CALCRL: variants seen among roughly 807,000 people sequenced by gnomAD.
CALCRL encodes the protein calcitonin gene-related peptide type 1 receptor.
In CALCRL, 27 loss-of-function variants were observed where a neutral mutation model predicts 60.4. That is an observed-to-expected ratio of 0.45 (90% CI 0.33 to 0.62). The LOEUF is 0.62. CALCRL is among the 20% of genes least tolerant of loss of function. The pLI, the probability that CALCRL is intolerant of heterozygous loss-of-function variation, is 0.03. For missense variants in CALCRL, 424 were observed against 540.7 expected (o/e 0.78, Z 2.14); for synonymous variants, 190 against 182.6 (o/e 1.04, Z -0.33).
intron 8 of CALCRL, 34 bp downstream of exon 8, chr2:187,378,906 A>G (rs3771084): frequency 0.57 from 717,718 of 1,253,112 alleles, 209,728 homozygotes; most frequent in East Asian, 0.81. Flanking sequence ...CAAGACATCT[A>G]GTAATTTTCT....
chr2:187,403,644 A>G (rs1251123601), intron 1 of CALCRL, among the ~76,000 whole-genome samples: 1 of 151,892 alleles, frequency 6.6e-6, no homozygotes, highest in Non-Finnish European at 1.5e-5. Flanking sequence ...TAAAAGTACA[A>G]AGGCATGGGT....
rs149891090 is a variant in CALCRL, at chr2:187,396,371, T to C, written c.-292-8615A>G. ...AGCCCCCTTTCCAGATGTCTCAGAA[T>C]GGAATCTGGTAAGTTCATGTACCCT... is the stretch of plus-strand genomic sequence containing the variant. On this transcript the variant is annotated intron_variant, in intron 1 of 14. Transcript: ENST00000392370. Among the ~76,000 whole-genome samples the C allele has an allele frequency of 7.9e-4, 120 of 151,950 alleles. 1 individual carries two copies. Among genetic ancestry groups the C allele is most frequent in the Non-Finnish European group, 3.8e-4 (26 of 67,836 alleles).
At position 187,359,290 on chromosome 2, in the gene CALCRL, A is replaced by C; in HGVS notation, c.782-18T>G. 1 of 1,488,204 alleles carries C rather than the reference A, an allele frequency of 6.7e-7. No homozygotes were observed. The highest frequency in any genetic ancestry group is 9.0e-7 in the Non-Finnish European group (1 of 1,115,026). 92.2% of individuals were successfully genotyped at this position (1,488,204 alleles called of 1,614,324 possible). A position where few individuals can be genotyped will look rare whatever the true frequency, so the allele number is the denominator to read the frequency against. ...TGGAAATCCTGTAATAACAAAAAAA[A>C]AAGAAAATAAATAGGCATTTTTTCT... On this transcript the variant is annotated intron_variant, in intron 10 of 14. Coordinates refer to ENST00000392370, the MANE Select transcript of CALCRL (RefSeq NM_005795.6).
chr2:187,402,545 G>A (rs1574280333), intron 1 of CALCRL, among the ~76,000 whole-genome samples: 1 of 151,090 alleles, frequency 6.6e-6, no homozygotes, highest in South Asian at 2.1e-4. Flanking sequence ...GAGAGATGAG[G>A]CTTTCCAGTA....
At chr2:187,404,504 A>ATTT (rs954080668) in intron 1 of CALCRL, among the ~76,000 whole-genome samples, 2 of 145,346 alleles carry the variant, frequency 1.4e-5, no homozygotes, top group African/African-American at 5.0e-5. Context: ...ACTTTTATTT[A>ATTT]TTTTTTTTTT....
intron 1 of CALCRL, among the ~76,000 whole-genome samples, chr2:187,434,184 G>A (rs1166431609): frequency 6.6e-6 from 1 of 152,034 alleles, no homozygotes; most frequent in Non-Finnish European, 1.5e-5. Context: ...CATGAGAAAT[G>A]TTATTCATAC....
chr2:187,360,794 T>G (rs201852194), intron 9 of CALCRL, 43 bp from the exon 10 acceptor site: 1 of 1,563,692 alleles, frequency 6.4e-7, no homozygotes, highest in Admixed American at 1.9e-5. Flanking sequence ...TGTTTATGAA[T>G]TCACATGTAA....
At chr2:187,398,092 A>C (rs897688329) in intron 1 of CALCRL, among the ~76,000 whole-genome samples, 2 of 151,586 alleles carry the variant, frequency 1.3e-5, no homozygotes, top group Non-Finnish European at 3.0e-5. Context: ...CAAGCGGCCA[A>C]ATCTCAGCCC....
chr2:187,388,475 C>T (rs1329440907), intron 1 of CALCRL, among the ~76,000 whole-genome samples: 2 of 151,994 alleles, frequency 1.3e-5, no homozygotes, highest in Non-Finnish European at 2.9e-5. Context: ...ATGCACATTT[C>T]ACCTGGAAAT....
chr2:187,406,499 G>C (rs1046591203), intron 1 of CALCRL, among the ~76,000 whole-genome samples: 10 of 151,866 alleles, frequency 6.6e-5, no homozygotes, highest in Non-Finnish European at 1.5e-5. Flanking sequence ...CAGTTGCTAA[G>C]AAAAAGGGAA....
At chr2:187,371,934 T>C (rs1401814050) in intron 8 of CALCRL, among the ~76,000 whole-genome samples, 2 of 152,116 alleles carry the variant, frequency 1.3e-5, no homozygotes, top group Non-Finnish European at 2.9e-5. Flanking sequence ...GAAGCAGAAA[T>C]ACAAGCACTA....
intron 1 of CALCRL, among the ~76,000 whole-genome samples, chr2:187,417,944 C>G (rs1346685831): frequency 2.0e-5 from 3 of 152,132 alleles, no homozygotes; most frequent in African/African-American, 7.2e-5. Flanking sequence ...TACAAAGTGT[C>G]AAGTGTTTAC....
At chr2:187,384,072 A>C (rs186387203) in intron 4 of CALCRL, among the ~76,000 whole-genome samples, 9 of 152,124 alleles carry the variant, frequency 5.9e-5, no homozygotes, top group Admixed American at 2.6e-4. Flanking sequence ...TTATCTTCCT[A>C]TCCTTCCTTT....
In CALCRL at chr2:187,418,203, A is replaced by G. The variant is rs564749117; in HGVS notation, c.-293+29836T>C. 2.0e-5 allele frequency among the ~76,000 whole-genome samples: 3 copies of G among 152,204 alleles called. No individual in the cohort carries two copies. In the South Asian group the frequency reaches 6.2e-4, roughly 31 times the overall value. ...CCATGCTAATCCTGGAATTCTGGTC[A>G]TTAAAAGAAAAAAAATTGTGTATAT... On this transcript the variant is annotated intron_variant, in intron 1 of 14. Transcript: ENST00000392370.
At position 187,364,420 on chromosome 2, in the gene CALCRL, T is replaced by G. The variant is rs760717019; in HGVS notation, c.501-918A>C. 1.4e-4 allele frequency among the ~76,000 whole-genome samples: 21 copies of G among 152,064 alleles called. 1 individual carries two copies. Among genetic ancestry groups the G allele is most frequent in the Admixed American group, 2.6e-4 (4 of 15,264 alleles). ...GTGTGAACTCATATGAAGGAAGACC[T>G]GAGGAATTATTTCACTACAGAGGCA... On this transcript the variant is annotated intron_variant, in intron 8 of 14. Coordinates refer to ENST00000392370, the MANE Select transcript of CALCRL (RefSeq NM_005795.6).
intron 14 of CALCRL, 102 bp from the exon 15 acceptor site, chr2:187,346,501 T>G: frequency 1.3e-6 from 1 of 767,848 alleles, no homozygotes. Flanking sequence ...AGAAGAGCTT[T>G]TTTAAAAAAA....
chr2:187,354,330 T>G (rs1686673777), intron 12 of CALCRL, among the ~76,000 whole-genome samples: 1 of 151,862 alleles, frequency 6.6e-6, no homozygotes, highest in East Asian at 1.9e-4. Context: ...TCCCAGACAA[T>G]CACTTAACTA....
chr2:187,402,106 A>G (rs1688914297), intron 1 of CALCRL, among the ~76,000 whole-genome samples: 1 of 151,734 alleles, frequency 6.6e-6, no homozygotes, highest in Non-Finnish European at 1.5e-5. Flanking sequence ...TTGATATACT[A>G]AAATTTGTTT....
At chr2:187,376,078 T>C (rs1184387957) in intron 8 of CALCRL, among the ~76,000 whole-genome samples, 1 of 152,160 alleles carries the variant, frequency 6.6e-6, no homozygotes, top group Non-Finnish European at 1.5e-5. Flanking sequence ...CTAATCCTCT[T>C]TATTCAAGTA....
Sources: allele counts gnomAD v4.1 joint callset (sites outside exome capture counted in the v4.1 genomes callset), GRCh38; gene constraint gnomAD v4.1.1; transcripts MANE v1.5; gene names NCBI Gene and HGNC (gene_info 2026-07-23, HGNC 2026-07-21).